Variants in OTUB2 observed in about 807,000 individuals in gnomAD.
OTUB2 encodes the protein OTU deubiquitinase, ubiquitin aldehyde binding 2, also known as ubiquitin thioesterase OTUB2.
In OTUB2, 21 loss-of-function variants were observed where a neutral mutation model predicts 25.1. That is an observed-to-expected ratio of 0.84 (90% CI 0.59 to 1.21). The LOEUF (loss-of-function observed/expected upper bound fraction) is 1.21, where lower values mean the gene tolerates loss of function less well. Ranked by LOEUF, OTUB2 falls within the 50% of genes most tolerant of loss-of-function variation. The probability of loss-of-function intolerance (pLI) is 0.00; values close to 1 mark genes in which losing one functional copy is unlikely to be tolerated. For synonymous variants in OTUB2, 122 were observed against 122.8 expected (o/e 0.99, Z 0.04); for missense variants, 283 against 298.0 (o/e 0.95, Z 0.37).
chr14:94,041,417 T>A (rs568421225), intron 3 of OTUB2, among the ~76,000 whole-genome samples: 25 of 152,296 alleles, frequency 1.6e-4, no homozygotes, highest in African/African-American at 5.8e-4. Context: ...AAAGGCTGCA[T>A]GAGACCACCA....
At chr14:94,033,152 C>A (rs151167444) in intron 1 of OTUB2, among the ~76,000 whole-genome samples, 23 of 152,126 alleles carry the variant, frequency 1.5e-4, no homozygotes, top group African/African-American at 5.3e-4. Context: ...CCTCGTGATC[C>A]GCCCGCCTCA....
At chr14:94,042,936 C>T (rs1002906626) in intron 3 of OTUB2, among the ~76,000 whole-genome samples, 9 of 152,332 alleles carry the variant, frequency 5.9e-5, no homozygotes, top group African/African-American at 2.2e-4. Flanking sequence ...GAAGCCAGCA[C>T]AGGCTCCATC....
Position 94,045,954 on chromosome 14 carries a change from C to T in OTUB2, c.*32C>T, listed in dbSNP as rs756324408. 4 of 1,593,986 alleles carry T rather than the reference C, an allele frequency of 2.5e-6. No individual in the cohort carries two copies. Among genetic ancestry groups the T allele is most frequent in the Admixed American group, 3.3e-5 (2 of 59,830 alleles). The stretch of plus-strand genomic sequence containing the variant: ...TTAGGCCATGCAGTGGAACCTGTCA[C>T]CTAATGGGACTGCATTCTGAATGGA... On this transcript the variant is annotated 3_prime_UTR_variant, in exon 6 of 6. Transcript: ENST00000203664.
chr14:94,046,286 C>T lies in OTUB2; in HGVS notation c.*364C>T, dbSNP rs1288382571. 2 of 339,292 alleles carry T rather than the reference C, an allele frequency of 5.9e-6. No individual in the cohort carries two copies. The highest frequency in any genetic ancestry group is 4.2e-5 in the Admixed American group (1 of 23,750). 21.0% of individuals were successfully genotyped at this position (339,292 alleles called of 1,614,324 possible). A position where few individuals can be genotyped will look rare whatever the true frequency, so the allele number is the denominator to read the frequency against. On this transcript the variant is annotated 3_prime_UTR_variant, in exon 6 of 6. Transcript: ENST00000203664. Reference sequence around the variant, plus strand: ...AATGGGGCCTCTGGTGTCTCTTTACCAGGGGCAGTGCCTCTCTGCGGGGGA... The same window carrying T: ...AATGGGGCCTCTGGTGTCTCTTTACTAGGGGCAGTGCCTCTCTGCGGGGGA...
chr14:94,038,921 G>A (rs376519123), intron 2 of OTUB2, 42 bp from the exon 3 acceptor site: 7 of 1,575,276 alleles, frequency 4.4e-6, no homozygotes, highest in Admixed American at 1.7e-5. Flanking sequence ...ACACAGAGCC[G>A]TTGTTGGTGC....
chr14:94,033,851 G>T (rs76627996), intron 1 of OTUB2, among the ~76,000 whole-genome samples: 1 of 152,162 alleles, frequency 6.6e-6, no homozygotes, highest in African/African-American at 2.4e-5. Flanking sequence ...GTATTAGCAC[G>T]CAGTATGAGG....
chr14:94,035,822 C>G (rs922023209), intron 1 of OTUB2, among the ~76,000 whole-genome samples: 8 of 152,030 alleles, frequency 5.3e-5, no homozygotes, highest in Admixed American at 1.3e-4. Flanking sequence ...AATATCTCAC[C>G]CCCTTCTCCG....
intron 1 of OTUB2, among the ~76,000 whole-genome samples, chr14:94,031,614 G>A (rs566100949): frequency 1.1e-4 from 16 of 152,308 alleles, no homozygotes; most frequent in Non-Finnish European, 2.1e-4. Context: ...GGAAGGACCA[G>A]CAGACAGCTG....
In OTUB2 at chr14:94,045,725, C is replaced by T. The variant is rs1282074145; in HGVS notation, c.508C>T (p.Pro170Ser). The T allele has an allele frequency of 3.7e-6, 6 of 1,613,998 alleles. No homozygotes were observed. Among genetic ancestry groups the T allele is most frequent in the Non-Finnish European group, 5.1e-6 (6 of 1,180,006 alleles). Residue 170 changes from proline (P) to serine (S), a missense_variant, in exon 6 of 6, where the codon CCC (proline) becomes TCC (serine). By Grantham distance (74) the Pro-to-Ser change is moderately conservative (BLOSUM62 -1). Transcript: ENST00000203664. ...ATTTTGGCCCCTGCAGGAAGTAGAG[C>T]CCATGGCCACGGAGTGTGACCACAT... The part of the protein sequence containing the change: ...IKDFCTHEVE[P>S]MATECDHIQI...
chr14:94,045,835 C>T lies in OTUB2; in HGVS notation c.618C>T (p.His206=), dbSNP rs1261115591. 13 of 1,614,094 alleles carry T rather than the reference C, an allele frequency of 8.1e-6. No homozygotes were observed. The highest frequency in any genetic ancestry group is 3.3e-5 in the South Asian group (3 of 91,092). The part of the protein sequence containing the change: ...VDEMDTALNH[H]VFPEAATPSV... ...AGATGGATACCGCCCTGAACCACCA[C>T]GTGTTCCCTGAGGCCGCCACCCCTT... Residue 206 remains histidine (H), a synonymous_variant, in exon 6 of 6, where the codon CAC becomes CAT. Transcript: ENST00000203664.
chr14:94,026,379 T>G lies in OTUB2; in HGVS notation c.-159T>G. On this transcript the variant is annotated 5_prime_UTR_variant, in exon 1 of 6. Transcript: ENST00000203664. ...GCTGGGACACAGTGGAGGTCTAACC[T>G]TTGGTTTGCGGAGCGGTCGGGTGTA... 8.0e-7 allele frequency: 1 copy of G among 1,252,062 alleles called. No homozygotes were observed. The highest frequency in any genetic ancestry group is 1.0e-6 in the Non-Finnish European group (1 of 996,712). The allele number at this position is 1,252,062 out of a possible 1,614,324, so 77.6% of individuals were successfully genotyped here.
intron 5 of OTUB2, 126 bp from the exon 6 acceptor site, chr14:94,045,590 G>A: frequency 1.1e-6 from 1 of 882,266 alleles, no homozygotes; most frequent in Non-Finnish European, 1.8e-6. Context: ...CAACTCATGG[G>A]ATGTTGTGAA....
intron 1 of OTUB2, among the ~76,000 whole-genome samples, chr14:94,030,820 G>GGGGGC (rs199956906): frequency 1.3e-5 from 2 of 150,196 alleles, no homozygotes; most frequent in African/African-American, 5.0e-5. Context: ...GTGATGGGGA[G>GGGGGC]GGTGGGGGCC....
intron 1 of OTUB2, among the ~76,000 whole-genome samples, chr14:94,034,224 G>A (rs546512676): frequency 6.6e-6 from 1 of 152,154 alleles, no homozygotes; most frequent in Non-Finnish European, 1.5e-5. Context: ...CCTGTAAATC[G>A]TGTCCTGTTC....
rs549875199 is a variant in OTUB2, at chr14:94,026,400, G to A, written c.-138G>A. The A allele has an allele frequency of 7.8e-7, 1 of 1,276,314 alleles. No individual in the cohort carries two copies. 79.1% of individuals were successfully genotyped at this position (1,276,314 alleles called of 1,614,324 possible). A position where few individuals can be genotyped will look rare whatever the true frequency, so the allele number is the denominator to read the frequency against. ...AACCTTTGGTTTGCGGAGCGGTCGG[G>A]TGTATTCTCCGCCGCCCCCACGCCC... On this transcript the variant is annotated 5_prime_UTR_variant, in exon 1 of 6. It adds an upstream start codon to the 5' untranslated region. Transcript: ENST00000203664.
chr14:94,039,174 G>A, intron 3 of OTUB2, 93 bp downstream of exon 3: 6 of 1,003,752 alleles, frequency 6.0e-6, no homozygotes, highest in Non-Finnish European at 9.0e-6. Context: ...ACTCAGGCTG[G>A]TTAACCCAGA....
chr14:94,035,091 C>T lies in OTUB2; in HGVS notation c.4-2289C>T, dbSNP rs1420022222. Among the ~76,000 whole-genome samples the T allele has an allele frequency of 5.3e-5, 8 of 152,136 alleles. No homozygotes were observed. The South Asian group carries it at 8.3e-4, about 16-fold the overall frequency. ...GCTTTCCTGTTGCTTTGCCAGCCCA[C>T]GCTATGATGTCAGGGCAGAAGGAAG... On this transcript the variant is annotated intron_variant, in intron 1 of 5. Transcript: ENST00000203664.
At chr14:94,027,911 G>A (rs1343884711) in intron 1 of OTUB2, among the ~76,000 whole-genome samples, 4 of 152,250 alleles carry the variant, frequency 2.6e-5, no homozygotes, top group African/African-American at 7.2e-5. Flanking sequence ...AGGCAGCCCA[G>A]GTGTTTCTGC....
chr14:94,037,427 C>G lies in OTUB2; in HGVS notation c.51C>G (p.Ser17=). 1 of 1,606,522 alleles carries G rather than the reference C, an allele frequency of 6.2e-7. No individual in the cohort carries two copies. The highest frequency in any genetic ancestry group is 8.5e-7 in the Non-Finnish European group (1 of 1,173,446). The change falls in exon 2 of 6, where the codon TCC becomes TCG. Residue 17 remains serine, a synonymous_variant. Transcript: ENST00000203664. The part of the protein sequence containing the change: ...NLISEKCDIL[S]ILRDHPENRI... Reference sequence around the variant, plus strand: ...TATCAGAAAAATGTGACATTCTATCCATTCTTCGGGACCATCCTGAAAACA... The same window carrying G: ...TATCAGAAAAATGTGACATTCTATCGATTCTTCGGGACCATCCTGAAAACA...
Sources: allele counts gnomAD v4.1 joint callset (sites outside exome capture counted in the v4.1 genomes callset), GRCh38; gene constraint gnomAD v4.1.1; transcripts MANE v1.5; gene names NCBI Gene and HGNC (gene_info 2026-07-23, HGNC 2026-07-21).